Variants in KLF8 observed in about 807,000 individuals in gnomAD.
The protein encoded by KLF8 is KLF transcription factor 8.
KLF8 carries 10 observed loss-of-function variants against 18.2 expected under a neutral mutation model. That is an observed-to-expected ratio of 0.55 (90% CI 0.34 to 0.93). The LOEUF is 0.93. Ranked by LOEUF, KLF8 falls within the 40% of genes least tolerant of loss-of-function variation. The probability of loss-of-function intolerance (pLI) is 0.02; values close to 1 mark genes in which losing one functional copy is unlikely to be tolerated. For missense variants in KLF8, 264 were observed against 277.9 expected, an observed-to-expected ratio of 0.95 and a Z score of 0.36; for synonymous variants, 109 against 97.3, an observed-to-expected ratio of 1.12 and a Z score of -0.71.
At chrX:56,062,455 CT>C in the KLF8 span, among the ~76,000 whole-genome samples, 8 of 111,748 alleles carry the variant, frequency 7.2e-5, no homozygotes, top group East Asian at 2.2e-3. Context: ...CTTAGTTTGG[CT>C]GGTTATGAAA....
chrX:55,934,054 G>A, the KLF8 span, among the ~76,000 whole-genome samples: 233 of 111,638 alleles, frequency 2.1e-3, no homozygotes, highest in Middle Eastern at 9.4e-3. Context: ...TAGAATTGAG[G>A]GAATATGGTA....
chrX:56,018,770 A>C, the KLF8 span, among the ~76,000 whole-genome samples: 1 of 111,205 alleles, frequency 9.0e-6, no homozygotes, highest in Non-Finnish European at 1.9e-5. Context: ...ATATGGTTAC[A>C]CTGGGCATTT....
rs1470952669 is a variant in KLF8, at chrX:56,284,821, G to T, written c.*327G>T. 4.8e-6 allele frequency: 1 copy of T among 210,362 alleles called. No individual in the cohort carries two copies. The highest frequency in any genetic ancestry group is 8.6e-6 in the Non-Finnish European group (1 of 116,059). 17.3% of individuals were successfully genotyped at this position (210,362 alleles called of 1,213,427 possible). A position where few individuals can be genotyped will look rare whatever the true frequency, so the allele number is the denominator to read the frequency against. On this transcript the variant is annotated 3_prime_UTR_variant, in exon 6 of 6. Coordinates refer to ENST00000468660, the MANE Select transcript of KLF8 (RefSeq NM_007250.5). Reference sequence around the variant, plus strand: ...TAACAAAACAGGAATCAAACTCAAGGCTGTGAACAAACATACGCTGCTTTA... The same window carrying T: ...TAACAAAACAGGAATCAAACTCAAGTCTGTGAACAAACATACGCTGCTTTA...
At chrX:56,177,520 G>A in the KLF8 span, among the ~76,000 whole-genome samples, 44 of 111,121 alleles carry the variant, frequency 4.0e-4, no homozygotes, top group African/African-American at 1.4e-3. Flanking sequence ...CTACTTCAGT[G>A]TGCCTCCCAG....
At chrX:56,028,562 T>A in the KLF8 span, among the ~76,000 whole-genome samples, 2 of 111,349 alleles carry the variant, frequency 1.8e-5, no homozygotes, top group African/African-American at 6.5e-5. Flanking sequence ...CCGACTGCTG[T>A]GGAGTGTCCT....
chrX:56,210,410 A>G, the KLF8 span, among the ~76,000 whole-genome samples: 1 of 111,557 alleles, frequency 9.0e-6, no homozygotes, highest in Admixed American at 9.5e-5. Flanking sequence ...CTGCCAGAGG[A>G]ATTGGAGCTC....
the KLF8 span, among the ~76,000 whole-genome samples, chrX:56,081,483 CT>C: frequency 9.0e-6 from 1 of 111,674 alleles, no homozygotes; most frequent in African/African-American, 3.3e-5. Context: ...TTAATTTTGC[CT>C]AATTGCTCCA....
chrX:55,953,580 A>C, the KLF8 span, among the ~76,000 whole-genome samples: 4 of 111,330 alleles, frequency 3.6e-5, no homozygotes, highest in African/African-American at 9.8e-5. Context: ...AAAACTCACT[A>C]TCAAGCTATA....
At chrX:56,017,532 G>A in the KLF8 span, among the ~76,000 whole-genome samples, 3 of 112,221 alleles carry the variant, frequency 2.7e-5, no homozygotes, top group African/African-American at 3.2e-5. Flanking sequence ...AATGTTCACT[G>A]TAGGGTATGG....
chrX:56,265,079 T>G, intron 2 of KLF8, 101 bp from the exon 3 acceptor site: 1 of 1,003,949 alleles, frequency 1.0e-6, no homozygotes, highest in Non-Finnish European at 1.3e-6. Flanking sequence ...ATGTATTCCT[T>G]CCATGTGAAA....
the KLF8 span, among the ~76,000 whole-genome samples, chrX:56,022,681 C>G: frequency 9.1e-6 from 1 of 109,625 alleles, no homozygotes; most frequent in Admixed American, 9.7e-5. Context: ...CCCTGAAAAT[C>G]AACAGCATGC....
the KLF8 span, among the ~76,000 whole-genome samples, chrX:56,120,414 A>T: frequency 8.9e-6 from 1 of 112,298 alleles, no homozygotes; most frequent in African/African-American, 3.2e-5. Context: ...GCAGTGGCTA[A>T]GCTCTCCCTT....
the KLF8 span, among the ~76,000 whole-genome samples, chrX:56,202,802 A>G: frequency 9.0e-6 from 1 of 111,356 alleles, no homozygotes; most frequent in African/African-American, 3.3e-5. Context: ...TTATATTTAC[A>G]GCATTTTATT....
the KLF8 span, among the ~76,000 whole-genome samples, chrX:56,033,271 G>C: frequency 9.0e-6 from 1 of 111,370 alleles, no homozygotes. Context: ...AGATTATTCA[G>C]TATTTTTCTT....
the KLF8 span, among the ~76,000 whole-genome samples, chrX:56,094,811 C>T: frequency 1.8e-5 from 2 of 110,644 alleles, no homozygotes; most frequent in South Asian, 7.6e-4. Context: ...GCTAGAAAGC[C>T]CAAAACACGT....
the KLF8 span, among the ~76,000 whole-genome samples, chrX:56,202,677 C>A: frequency 9.3e-6 from 1 of 107,484 alleles, no homozygotes; most frequent in South Asian, 4.2e-4. Context: ...TAAGTGAGAA[C>A]ATGTAATGTT....
At chrX:55,949,747 C>T in the KLF8 span, among the ~76,000 whole-genome samples, 6 of 107,997 alleles carry the variant, frequency 5.6e-5, no homozygotes, top group South Asian at 4.1e-4. Context: ...GCCAAGATTG[C>T]GCCACTGCAC....
At chrX:56,108,381 GTTA>G in the KLF8 span, among the ~76,000 whole-genome samples, 1 of 111,651 alleles carries the variant, frequency 9.0e-6, no homozygotes, top group Non-Finnish European at 1.9e-5. Context: ...ATTGTTTCTA[GTTA>G]TTGCTTTCTG....
the KLF8 span, among the ~76,000 whole-genome samples, chrX:56,053,640 C>A: frequency 9.6e-6 from 1 of 104,254 alleles, no homozygotes; most frequent in African/African-American, 3.4e-5. Context: ...TGGTCTTGGG[C>A]CTTTTTTAAT....
Sources: allele counts gnomAD v4.1 joint callset (sites outside exome capture counted in the v4.1 genomes callset), GRCh38; gene constraint gnomAD v4.1.1; transcripts MANE v1.5; gene names NCBI Gene and HGNC (gene_info 2026-07-23, HGNC 2026-07-21).